SULT1A1: variants seen among roughly 807,000 people sequenced by gnomAD.
The protein encoded by SULT1A1 is sulfotransferase family 1A member 1.
In SULT1A1, 35 loss-of-function variants were observed where a neutral mutation model predicts 36.8. That is an observed-to-expected ratio of 0.95 (90% CI 0.73 to 1.26). The LOEUF (loss-of-function observed/expected upper bound fraction) is 1.26, where lower values mean the gene tolerates loss of function less well. SULT1A1 is among the 50% of genes most tolerant of loss of function. SULT1A1 has a pLI of 0.00. For missense variants in SULT1A1, 309 were observed against 383.0 expected, an observed-to-expected ratio of 0.81 and a Z score of 1.61; for synonymous variants, 119 against 146.0, an observed-to-expected ratio of 0.82 and a Z score of 1.33.
intron 2 of SULT1A1, among the ~76,000 whole-genome samples, chr16:28,619,757 T>TCC (rs71140984): frequency 3.4e-5 from 5 of 148,610 alleles, no homozygotes; most frequent in African/African-American, 7.4e-5. Context: ...TATACATATA[T>TCC]ATATATAGAC....
chr16:28,614,399 G>A (rs954115502), upstream of SULT1A1: 5 of 135,380 alleles, frequency 3.7e-5, no homozygotes, highest in Admixed American at 8.1e-5. Context: ...TGTGCCCAGC[G>A]GGGTCCGCCT....
At chr16:28,616,539 C>T (rs1394762554) in intron 2 of SULT1A1, among the ~76,000 whole-genome samples, 5 of 152,174 alleles carry the variant, frequency 3.3e-5, no homozygotes, top group East Asian at 3.9e-4. Context: ...CTGCTCACCT[C>T]GGCCTCTCAA....
rs547394154 is a variant in SULT1A1 at position 28,608,730 on chromosome 16, G to A, written c.126C>T (p.Leu42=). 14 of 1,613,018 alleles carry A rather than the reference G, an allele frequency of 8.7e-6. No homozygotes were observed. In the African/African-American group the frequency reaches 1.5e-4, roughly 17 times the overall value. Residue 42 remains leucine, a synonymous_variant, in exon 2 of 8, where the codon CTC becomes CTT. Coordinates refer to ENST00000314752, the MANE Select transcript of SULT1A1 (RefSeq NM_001055.4). The part of the protein sequence containing the change: ...QSFQARPDDL[L]ISTYPKSGTT... ...TACCGGACTTGGGGTAGGTGCTGAT[G>A]AGCAGGTCATCAGGCCGGGCCTGGA...
intron 6 of SULT1A1, 67 bp from the exon 7 acceptor site, chr16:28,606,303 C>A: frequency 6.2e-7 from 1 of 1,608,108 alleles, no homozygotes; most frequent in Non-Finnish European, 8.5e-7. Flanking sequence ...AAGGGGTCCC[C>A]TTCTCTAACC....
At chr16:28,619,381 C>T (rs2047606718) in intron 2 of SULT1A1, among the ~76,000 whole-genome samples, 1 of 152,138 alleles carries the variant, frequency 6.6e-6, no homozygotes, top group South Asian at 2.1e-4. Flanking sequence ...ATACATCTAT[C>T]AAAATAACTT....
At chr16:28,609,092 A>G in intron 1 of SULT1A1, 1 of 1,440,366 alleles carries the variant, frequency 6.9e-7, no homozygotes. Context: ...TCAAAATCCC[A>G]GGGCCTGGGC....
intron 1 of SULT1A1, among the ~76,000 whole-genome samples, chr16:28,622,949 A>T (rs1481848925): frequency 6.6e-6 from 1 of 151,806 alleles, no homozygotes; most frequent in Non-Finnish European, 1.5e-5. Context: ...CAAACACCCC[A>T]GCCTCCAGCC....
rs1400027580 is a variant in SULT1A1, at chr16:28,608,367, G to T, written c.296C>A (p.Thr99Lys). Residue 99 changes from threonine (T) to lysine (K), a missense_variant, in exon 4 of 8, where the codon ACA (threonine) becomes AAA (lysine). Transcript: ENST00000314752. ...TGTCTTCAGGAGTCGTGGGGCCGGT[G>T]TGTCTTTCAGAGTCTCCATCCCTGA... Reference protein sequence around the residue: ...IPSGMETLKDTPAPRLLKTHL... With the variant: ...IPSGMETLKDKPAPRLLKTHL... The T allele has an allele frequency of 6.2e-7, 1 of 1,612,302 alleles. No homozygotes were observed. Among genetic ancestry groups the T allele is most frequent in the African/African-American group, 1.3e-5 (1 of 74,844 alleles).
intron 1 of SULT1A1, among the ~76,000 whole-genome samples, chr16:28,621,482 C>CAAAAA (rs59910514): frequency 3.4e-5 from 2 of 59,538 alleles, no homozygotes; most frequent in African/African-American, 9.1e-5. Context: ...GACTCTGTCT[C>CAAAAA]AAAAAAAAAA....
chr16:28,617,568 A>T (rs2047570439), intron 2 of SULT1A1, among the ~76,000 whole-genome samples: 2 of 148,574 alleles, frequency 1.3e-5, no homozygotes, highest in South Asian at 4.3e-4. Flanking sequence ...TTTGTGACGG[A>T]GTCTCCCTCT....
chr16:28,622,970 C>T (rs960554974), intron 1 of SULT1A1, among the ~76,000 whole-genome samples: 1 of 152,096 alleles, frequency 6.6e-6, no homozygotes, highest in Admixed American at 6.5e-5. Context: ...TTTGCCCTGG[C>T]CCTTCAGGCC....
At chr16:28,607,631 T>TTCAC (rs2047260768) in intron 4 of SULT1A1, 1 of 59,502 alleles carries the variant, frequency 1.7e-5, no homozygotes, top group Admixed American at 2.2e-4. Context: ...ATTTTATTTA[T>TTCAC]TTATTTTTGA....
intron 2 of SULT1A1, among the ~76,000 whole-genome samples, chr16:28,616,661 G>C (rs1473392607): frequency 1.3e-5 from 2 of 151,874 alleles, no homozygotes; most frequent in East Asian, 3.9e-4. Flanking sequence ...AACCTCAAGG[G>C]ATCCTCTCGC....
At chr16:28,619,956 G>C in intron 2 of SULT1A1, 3 of 980,090 alleles carry the variant, frequency 3.1e-6, no homozygotes, top group South Asian at 3.8e-5. Context: ...TACACAAAAA[G>C]TTACTGATTG....
chr16:28,607,854 G>C (rs909161190), intron 4 of SULT1A1: 1 of 153,934 alleles, frequency 6.5e-6, no homozygotes, highest in African/African-American at 2.4e-5. Context: ...TTATAGAGAT[G>C]GAGACTCCCC....
intron 2 of SULT1A1, among the ~76,000 whole-genome samples, chr16:28,619,061 G>A (rs1270560805): frequency 6.6e-6 from 1 of 152,074 alleles, no homozygotes; most frequent in African/African-American, 2.4e-5. Context: ...TGTTGCCCAG[G>A]CTGGAGTGCA....
At chr16:28,615,871 T>C (rs112900467) in intron 2 of SULT1A1, among the ~76,000 whole-genome samples, 17,192 of 152,186 alleles carry the variant, frequency 0.11, 1,167 homozygotes, top group East Asian at 0.19. Context: ...GAAAGACAGC[T>C]TATGCCATTA....
chr16:28,617,689 C>T lies in SULT1A1; in HGVS notation c.138+2374G>A, dbSNP rs559664331. On this transcript the variant is annotated intron_variant, in intron 2 of 5. Coordinates refer to the SULT1A1 transcript ENST00000350842. The stretch of plus-strand genomic sequence containing the variant: ...CCTGAGTAGCTGGGATTACAGGCAC[C>T]CGCCACCATGCCTGGCTAATTTTTG... Among the ~76,000 whole-genome samples, 3 of 152,062 alleles carry T rather than the reference C, an allele frequency of 2.0e-5. No individual in the cohort carries two copies. In the East Asian group the frequency reaches 5.8e-4, roughly 29 times the overall value.
At chr16:28,606,894 G>A (rs779399958) in intron 5 of SULT1A1, 39 bp from the exon 6 acceptor site, 1 of 1,612,376 alleles carries the variant, frequency 6.2e-7, no homozygotes, top group East Asian at 2.2e-5. Flanking sequence ...CAGGGTTGCT[G>A]TGCGTTGTAG....
Sources: gnomAD v4.1 joint callset for allele counts (sites outside exome capture counted in the v4.1 genomes callset) on GRCh38, gnomAD v4.1.1 for gene constraint, MANE v1.5 for transcripts, NCBI Gene and HGNC (gene_info 2026-07-23, HGNC 2026-07-21) for gene names.